IKZF2: variants seen among roughly 807,000 people sequenced by gnomAD.
IKZF2 encodes the protein zinc finger protein Helios.
In IKZF2, 15 loss-of-function variants were observed where a neutral mutation model predicts 49.2. The ratio of observed to expected loss-of-function variants is 0.30; its 90% confidence interval spans 0.20 to 0.47. The LOEUF (loss-of-function observed/expected upper bound fraction) is 0.47. IKZF2 is among the 20% of genes least tolerant of loss of function. IKZF2 has a pLI of 1.00. For synonymous variants in IKZF2, 227 were observed against 221.4 expected (o/e 1.03, Z -0.23); for missense variants, 567 against 664.6 (o/e 0.85, Z 1.61).
intron 4 of IKZF2, among the ~76,000 whole-genome samples, chr2:213,064,099 T>C (rs1701949783): frequency 6.6e-6 from 1 of 151,986 alleles, no homozygotes; most frequent in African/African-American, 2.4e-5. Flanking sequence ...GAAGAATCTG[T>C]CAATATTCAA....
chr2:213,124,225 C>A (rs1165434328), intron 4 of IKZF2, among the ~76,000 whole-genome samples: 1 of 147,182 alleles, frequency 6.8e-6, no homozygotes, highest in African/African-American at 2.5e-5. Flanking sequence ...TCCTTGTGTG[C>A]ACGCACACAT....
At chr2:213,021,028 C>A (rs1255979590) in intron 7 of IKZF2, among the ~76,000 whole-genome samples, 3 of 152,088 alleles carry the variant, frequency 2.0e-5, no homozygotes, top group Non-Finnish European at 4.4e-5. Context: ...GCCTGGCCAA[C>A]ATGGCGAAAC....
chr2:213,134,553 C>T (rs1357924714), intron 4 of IKZF2, among the ~76,000 whole-genome samples: 1 of 152,172 alleles, frequency 6.6e-6, no homozygotes, highest in Non-Finnish European at 1.5e-5. Flanking sequence ...TAACTAGGCA[C>T]CACTAACTTT....
intron 4 of IKZF2, among the ~76,000 whole-genome samples, chr2:213,107,846 G>A (rs539653335): frequency 3.3e-5 from 5 of 152,186 alleles, no homozygotes; most frequent in South Asian, 4.1e-4. Context: ...TGCTGAATTC[G>A]AAATCAAAAG....
At chr2:213,029,588 T>C (rs897357521) in intron 6 of IKZF2, among the ~76,000 whole-genome samples, 1 of 152,060 alleles carries the variant, frequency 6.6e-6, no homozygotes, top group African/African-American at 2.4e-5. Context: ...TCTCATATAA[T>C]CAGTCTTCGA....
intron 4 of IKZF2, among the ~76,000 whole-genome samples, chr2:213,069,296 T>C (rs772610165): frequency 6.6e-6 from 1 of 152,186 alleles, no homozygotes; most frequent in Admixed American, 6.5e-5. Flanking sequence ...ACTGAAATTA[T>C]GTAAGGTATT....
chr2:213,042,131 A>G (rs1042708892), intron 6 of IKZF2, among the ~76,000 whole-genome samples: 7 of 149,772 alleles, frequency 4.7e-5, no homozygotes, highest in Non-Finnish European at 9.0e-5. Context: ...ACTTCTAGAC[A>G]GCACATTTTT....
rs11450321 is a variant in IKZF2, at chr2:213,000,184, TAA to T, written c.*7174_*7175del. The T allele has an allele frequency of 2.0e-5, 3 of 148,942 alleles. No individual in the cohort carries two copies. In the South Asian group the frequency reaches 6.3e-4, roughly 31 times the overall value. The allele number at this position is 148,942 out of a possible 1,614,324, so 9.2% of individuals were successfully genotyped here. A position where few individuals can be genotyped will look rare whatever the true frequency, so the allele number is the denominator to read the frequency against. ...TTTCTGAGGTATGGTATTTGAGCCTTAAAAAAACTACATTACACTTAGCAAAC... is the reference window on the plus strand; with the variant it reads ...TTTCTGAGGTATGGTATTTGAGCCTTAAAAACTACATTACACTTAGCAAAC... On this transcript the variant is annotated 3_prime_UTR_variant, in exon 9 of 9. Transcript: ENST00000434687.
chr2:213,149,100 C>A (rs952429730), intron 2 of IKZF2, among the ~76,000 whole-genome samples: 1 of 152,066 alleles, frequency 6.6e-6, no homozygotes, highest in Admixed American at 6.5e-5. Context: ...AGGGGGAGGA[C>A]AAACAAACAT....
At chr2:213,078,087 C>A (rs764276270) in intron 4 of IKZF2, among the ~76,000 whole-genome samples, 1 of 151,932 alleles carries the variant, frequency 6.6e-6, no homozygotes, top group Non-Finnish European at 1.5e-5. Context: ...ATTCCTGTAT[C>A]CTCAACTCTT....
chr2:213,147,408 A>G (rs2061113394), intron 4 of IKZF2: 1 of 543,088 alleles, frequency 1.8e-6, no homozygotes, highest in Admixed American at 3.3e-5. Context: ...CAACAACAAC[A>G]AAAAATCCAG....
intron 4 of IKZF2, among the ~76,000 whole-genome samples, chr2:213,114,606 A>T (rs1454860885): frequency 6.6e-6 from 1 of 152,164 alleles, no homozygotes; most frequent in Admixed American, 6.5e-5. Flanking sequence ...AACTGATTTA[A>T]TATGATTTTG....
chr2:213,119,873 C>T (rs2059994548), intron 4 of IKZF2, among the ~76,000 whole-genome samples: 2 of 152,160 alleles, frequency 1.3e-5, no homozygotes, highest in African/African-American at 4.8e-5. Context: ...TCAGTAAGTA[C>T]CTGGCAAAGA....
chr2:213,134,890 T>C (rs565444664), intron 4 of IKZF2, among the ~76,000 whole-genome samples: 8 of 152,376 alleles, frequency 5.3e-5, no homozygotes, highest in Admixed American at 3.9e-4. Flanking sequence ...GTGGATCTAC[T>C]AACTCAAGTG....
At chr2:213,151,192 C>A (rs993321428) in intron 1 of IKZF2, among the ~76,000 whole-genome samples, 1 of 152,076 alleles carries the variant, frequency 6.6e-6, no homozygotes, top group African/African-American at 2.4e-5. Flanking sequence ...CACAATCCAT[C>A]CCTCCCAGAG....
intron 4 of IKZF2, among the ~76,000 whole-genome samples, chr2:213,106,668 A>C (rs1391582183): frequency 1.3e-5 from 2 of 151,824 alleles, no homozygotes; most frequent in Non-Finnish European, 2.9e-5. Context: ...AAAAAAGAAA[A>C]GAAAAGAAGA....
chr2:213,076,811 G>A lies in IKZF2; in HGVS notation c.140-19712C>T, dbSNP rs537460923. ...CCAGCTACTCCGGAGGCTGAGGCAG[G>A]AGAAGGGCGTGAACCCAGGAGGCGG... On this transcript the variant is annotated intron_variant, in intron 4 of 8. Coordinates refer to ENST00000434687, the MANE Select transcript of IKZF2 (RefSeq NM_001387220.1). 1.9e-3 allele frequency among the ~76,000 whole-genome samples: 292 copies of A among 152,288 alleles called. 1 individual carries two copies. Among genetic ancestry groups the A allele is most frequent in the Middle Eastern group, 0.014 (4 of 294 alleles).
intron 4 of IKZF2, among the ~76,000 whole-genome samples, chr2:213,058,990 T>C (rs1406740786): frequency 1.3e-5 from 2 of 151,872 alleles, no homozygotes; most frequent in Non-Finnish European, 2.9e-5. Flanking sequence ...AGTTAATCAT[T>C]GGAAATTTGA....
At chr2:213,058,720 G>C (rs889746053) in intron 4 of IKZF2, among the ~76,000 whole-genome samples, 11 of 151,796 alleles carry the variant, frequency 7.2e-5, no homozygotes, top group African/African-American at 2.7e-4. Context: ...TGGTATATAG[G>C]AGATGTTCAA....
Sources: allele counts gnomAD v4.1 joint callset (sites outside exome capture counted in the v4.1 genomes callset), GRCh38; gene constraint gnomAD v4.1.1; transcripts MANE v1.5; gene names NCBI Gene and HGNC (gene_info 2026-07-23, HGNC 2026-07-21).